The following PTBP2 variants were observed in gnomAD, a reference collection of about 807,000 sequenced individuals.
PTBP2 encodes the protein polypyrimidine tract binding protein 2.
A neutral mutation model predicts 61.4 loss-of-function variants in PTBP2; 13 were observed. That is an observed-to-expected ratio of 0.21 (90% CI 0.14 to 0.34). PTBP2 has a LOEUF of 0.34. PTBP2 is among the 10% of genes least tolerant of loss of function. PTBP2 has a pLI of 1.00. For missense variants in PTBP2, 405 were observed against 642.6 expected, an observed-to-expected ratio of 0.63 and a Z score of 4.00; for synonymous variants, 215 against 218.5, an observed-to-expected ratio of 0.98 and a Z score of 0.14.
chr1:96,762,533 C>T (rs1215527262), intron 3 of PTBP2, among the ~76,000 whole-genome samples: 45 of 143,070 alleles, frequency 3.1e-4, no homozygotes, highest in Non-Finnish European at 4.7e-4. Flanking sequence ...GGCGGCTGGC[C>T]GGGCTGGGGG....
intron 8 of PTBP2, among the ~76,000 whole-genome samples, chr1:96,794,380 A>G (rs1570972857): frequency 6.6e-6 from 1 of 152,328 alleles, no homozygotes; most frequent in Non-Finnish European, 1.5e-5. Context: ...CAAAGAAAAT[A>G]CTTCTGTTGC....
intron 2 of PTBP2, chr1:96,749,672 G>C (rs1407074626): frequency 4.4e-6 from 2 of 456,004 alleles, no homozygotes; most frequent in Admixed American, 2.3e-5. Flanking sequence ...CAAAAAATAT[G>C]TAACAGTTAA....
At chr1:96,762,801 A>T (rs1423528861) in intron 3 of PTBP2, among the ~76,000 whole-genome samples, 2 of 150,134 alleles carry the variant, frequency 1.3e-5, no homozygotes, top group Non-Finnish European at 3.0e-5. Context: ...TGCCGGGCGG[A>T]GGGGCTCCTC....
intron 3 of PTBP2, among the ~76,000 whole-genome samples, chr1:96,759,498 A>G (rs973201963): frequency 2.0e-5 from 3 of 152,204 alleles, no homozygotes; most frequent in African/African-American, 7.2e-5. Flanking sequence ...AGCTGAATAT[A>G]CATACAAAAA....
intron 7 of PTBP2, among the ~76,000 whole-genome samples, chr1:96,780,255 T>G (rs184903703): frequency 6.6e-6 from 1 of 152,056 alleles, no homozygotes; most frequent in East Asian, 1.9e-4. Flanking sequence ...TTGGCCACTT[T>G]TCACCAGTTT....
At chr1:96,787,913 A>G (rs116579044) in intron 8 of PTBP2, among the ~76,000 whole-genome samples, 1,945 of 152,260 alleles carry the variant, frequency 0.013, 46 homozygotes, top group African/African-American at 0.045. Context: ...CTTAGACTAG[A>G]TTCCTAGAAT....
chr1:96,792,133 A>G (rs1027504892), intron 8 of PTBP2, among the ~76,000 whole-genome samples: 6 of 152,080 alleles, frequency 3.9e-5, no homozygotes, highest in African/African-American at 1.4e-4. Flanking sequence ...CACCGCGCCT[A>G]GCCTGCTTAG....
chr1:96,786,770 G>C (rs1659255495), intron 8 of PTBP2, among the ~76,000 whole-genome samples: 1 of 151,988 alleles, frequency 6.6e-6, no homozygotes, highest in South Asian at 2.1e-4. Flanking sequence ...ACAATTTAAA[G>C]ATAAAATACC....
At position 96,808,317 on chromosome 1, in the gene PTBP2, A is replaced by G. The variant is rs370702858; in HGVS notation, c.1171+1359A>G. 2.6e-5 allele frequency among the ~76,000 whole-genome samples: 4 copies of G among 152,170 alleles called. No individual in the cohort carries two copies. In the South Asian group the frequency reaches 6.2e-4, roughly 24 times the overall value. Reference sequence around the variant, plus strand: ...TGAGAAATAAAACTTTGGGGTCTAGAAGTCCCAGATGAAACTGCTAGCAGA... The same window carrying G: ...TGAGAAATAAAACTTTGGGGTCTAGGAGTCCCAGATGAAACTGCTAGCAGA... On this transcript the variant is annotated intron_variant, in intron 11 of 13. Coordinates refer to ENST00000674951, the MANE Select transcript of PTBP2 (RefSeq NM_021190.4).
At chr1:96,726,353 A>C (rs1211396486) in intron 2 of PTBP2, among the ~76,000 whole-genome samples, 5 of 148,746 alleles carry the variant, frequency 3.4e-5, no homozygotes, top group Non-Finnish European at 5.9e-5. Flanking sequence ...GCTTACTGCA[A>C]CCTCTGCCTC....
In PTBP2 at chr1:96,725,845, C is replaced by T. The variant is rs112114849; in HGVS notation, c.39+2251C>T. ...CTGTAATCCCAGCACTTTGGGAGGC[C>T]GAGGCGGGCGGATCACGAGTTCAGG... On this transcript the variant is annotated intron_variant, in intron 2 of 13. Coordinates refer to ENST00000674951, the MANE Select transcript of PTBP2 (RefSeq NM_021190.4). Among the ~76,000 whole-genome samples the T allele has an allele frequency of 3.8e-3, 577 of 151,516 alleles. 1 individual carries two copies. Among genetic ancestry groups the T allele is most frequent in the African/African-American group, 0.013 (517 of 41,334 alleles).
chr1:96,797,270 A>AGG (rs1660488374), intron 8 of PTBP2, among the ~76,000 whole-genome samples: 1 of 152,154 alleles, frequency 6.6e-6, no homozygotes, highest in Admixed American at 6.5e-5. Context: ...AGAAAAGTTG[A>AGG]GGGAGACCAA....
chr1:96,740,058 T>G (rs544072488), intron 2 of PTBP2, among the ~76,000 whole-genome samples: 1 of 152,304 alleles, frequency 6.6e-6, no homozygotes, highest in South Asian at 2.1e-4. Flanking sequence ...TCACTTAATA[T>G]AATGTCCTCA....
chr1:96,758,443 T>C (rs1456819492), intron 3 of PTBP2, among the ~76,000 whole-genome samples: 1 of 152,072 alleles, frequency 6.6e-6, no homozygotes, highest in Non-Finnish European at 1.5e-5. Flanking sequence ...ACAAGGGTAA[T>C]ATATCAAGAT....
At chr1:96,759,356 A>G (rs1473564529) in intron 3 of PTBP2, among the ~76,000 whole-genome samples, 3 of 152,252 alleles carry the variant, frequency 2.0e-5, no homozygotes, top group Non-Finnish European at 4.4e-5. Context: ...ACAAACCTGT[A>G]GTTAATCCAA....
Position 96,751,408 on chromosome 1 carries a change from T to C in PTBP2, c.40-17T>C. 3 of 1,591,872 alleles carry C rather than the reference T, an allele frequency of 1.9e-6. No individual in the cohort carries two copies. The highest frequency in any genetic ancestry group is 2.6e-6 in the Non-Finnish European group (3 of 1,161,118). On this transcript the variant is annotated splice_polypyrimidine_tract_variant and intron_variant, in intron 2 of 13. Transcript: ENST00000674951. Reference sequence around the variant, plus strand: ...AATTTAAAGATGTCTTATGCTAATTTGTTTTTGTTTTCATAGAGAGGATCT... The same window carrying C: ...AATTTAAAGATGTCTTATGCTAATTCGTTTTTGTTTTCATAGAGAGGATCT...
intron 8 of PTBP2, among the ~76,000 whole-genome samples, chr1:96,802,973 A>G (rs918436568): frequency 6.6e-6 from 1 of 152,174 alleles, no homozygotes; most frequent in Non-Finnish European, 1.5e-5. Context: ...ACTGCAAGAA[A>G]AAAAATTGTT....
rs552425195 is a variant in PTBP2 at position 96,742,166 on chromosome 1, A to G, written c.40-9259A>G. On this transcript the variant is annotated intron_variant, in intron 2 of 13. Coordinates refer to ENST00000674951, the MANE Select transcript of PTBP2 (RefSeq NM_021190.4). Reference sequence around the variant, plus strand: ...ATTATAGCTGCATTATCAAAATAAAATGGCAATTTTTTTTGAGCTGAAAGG... The same window carrying G: ...ATTATAGCTGCATTATCAAAATAAAGTGGCAATTTTTTTTGAGCTGAAAGG... Among the ~76,000 whole-genome samples the G allele has an allele frequency of 8.3e-4, 127 of 152,356 alleles. 3 individuals carry two copies. The South Asian group carries it at 0.016, about 19-fold the overall frequency.
chr1:96,749,087 G>C (rs1654204451), intron 2 of PTBP2, among the ~76,000 whole-genome samples: 1 of 151,904 alleles, frequency 6.6e-6, no homozygotes. Flanking sequence ...GAAGAAAAAA[G>C]TTCATAAATA....
Sources: allele counts gnomAD v4.1 joint callset (sites outside exome capture counted in the v4.1 genomes callset), GRCh38; gene constraint gnomAD v4.1.1; transcripts MANE v1.5; gene names NCBI Gene and HGNC (gene_info 2026-07-23, HGNC 2026-07-21).